ZFPM2: variants seen among roughly 807,000 people sequenced by gnomAD.
The protein encoded by ZFPM2 is zinc finger protein ZFPM2.
ZFPM2 carries 20 observed loss-of-function variants against 98.6 expected under a neutral mutation model. The observed-to-expected ratio is 0.20, with a 90% CI of 0.14 to 0.29. The LOEUF is 0.29. ZFPM2 is among the 10% of genes least tolerant of loss of function. ZFPM2 has a pLI of 1.00. For missense variants in ZFPM2, 1,310 were observed against 1,388.6 expected, an observed-to-expected ratio of 0.94 and a Z score of 0.90; for synonymous variants, 518 against 502.7, an observed-to-expected ratio of 1.03 and a Z score of -0.41.
chr8:105,344,858 A>G (rs1357629080), intron 1 of ZFPM2, among the ~76,000 whole-genome samples: 2 of 152,208 alleles, frequency 1.3e-5, no homozygotes, highest in South Asian at 2.1e-4. Flanking sequence ...AGAAATCATT[A>G]AAACTAATAT....
intron 3 of ZFPM2, among the ~76,000 whole-genome samples, chr8:105,491,885 G>C (rs905354835): frequency 2.2e-4 from 33 of 152,054 alleles, no homozygotes; most frequent in African/African-American, 8.0e-4. Context: ...ATTATGATGT[G>C]TAGTATTTAA....
chr8:105,546,855 A>G (rs1223590237), intron 3 of ZFPM2, among the ~76,000 whole-genome samples: 1 of 152,176 alleles, frequency 6.6e-6, no homozygotes, highest in Non-Finnish European at 1.5e-5. Context: ...CCCACTTTTA[A>G]TGATTTATGA....
At chr8:105,342,709 A>C (rs1166604987) in intron 1 of ZFPM2, among the ~76,000 whole-genome samples, 1 of 152,088 alleles carries the variant, frequency 6.6e-6, no homozygotes, top group Non-Finnish European at 1.5e-5. Context: ...TAAGAAAAAA[A>C]GAAAAGAAAA....
At chr8:105,439,564 G>A (rs748488165) in intron 2 of ZFPM2, among the ~76,000 whole-genome samples, 1 of 152,156 alleles carries the variant, frequency 6.6e-6, no homozygotes, top group Non-Finnish European at 1.5e-5. Flanking sequence ...GCTGGAACAT[G>A]ATATTTGAGG....
chr8:105,417,981 G>T (rs1166227005), intron 1 of ZFPM2, among the ~76,000 whole-genome samples: 1 of 151,978 alleles, frequency 6.6e-6, no homozygotes, highest in African/African-American at 2.4e-5. Flanking sequence ...TCTATGCCAA[G>T]GTGTCATATG....
intron 3 of ZFPM2, among the ~76,000 whole-genome samples, chr8:105,489,559 G>A (rs1586410475): frequency 6.7e-6 from 1 of 149,468 alleles, no homozygotes; most frequent in South Asian, 2.1e-4. Flanking sequence ...TGCCTCATGG[G>A]TTCATGGAAC....
At chr8:105,562,422 T>G (rs1815159625) in intron 4 of ZFPM2, among the ~76,000 whole-genome samples, 1 of 152,150 alleles carries the variant, frequency 6.6e-6, no homozygotes, top group Non-Finnish European at 1.5e-5. Flanking sequence ...AGTTTGCTAT[T>G]CCTGCCTCAG....
chr8:105,449,768 C>G (rs1018348971), intron 3 of ZFPM2, among the ~76,000 whole-genome samples: 2 of 151,960 alleles, frequency 1.3e-5, no homozygotes, highest in African/African-American at 4.8e-5. Context: ...TAATAACTAC[C>G]TCATTAATGA....
intron 1 of ZFPM2, among the ~76,000 whole-genome samples, chr8:105,347,045 T>C (rs1303235367): frequency 1.3e-5 from 2 of 152,158 alleles, no homozygotes; most frequent in Non-Finnish European, 2.9e-5. Flanking sequence ...GAAGGATCCA[T>C]GCAGATTAAA....
At chr8:105,526,040 C>G (rs1814167583) in intron 3 of ZFPM2, among the ~76,000 whole-genome samples, 2 of 152,116 alleles carry the variant, frequency 1.3e-5, no homozygotes, top group Non-Finnish European at 2.9e-5. Context: ...CTTTATAGCT[C>G]TCAAATATTT....
intron 5 of ZFPM2, among the ~76,000 whole-genome samples, chr8:105,658,379 G>C (rs1341943141): frequency 9.2e-6 from 1 of 108,752 alleles, no homozygotes; most frequent in Non-Finnish European, 1.9e-5. Flanking sequence ...ACGAGGTCAG[G>C]AGATCGAGAC....
chr8:105,572,546 C>A (rs777511206), intron 4 of ZFPM2, among the ~76,000 whole-genome samples: 1 of 152,042 alleles, frequency 6.6e-6, no homozygotes, highest in Non-Finnish European at 1.5e-5. Context: ...CAGTTCACCA[C>A]AACCTCCGCC....
At chr8:105,752,055 TCA>T (rs1321379998) in intron 5 of ZFPM2, among the ~76,000 whole-genome samples, 5 of 152,264 alleles carry the variant, frequency 3.3e-5, no homozygotes, top group Middle Eastern at 3.4e-3. Flanking sequence ...TAATTCTCAG[TCA>T]CAGTTTTTAC....
chr8:105,452,144 T>A (rs755324992), intron 3 of ZFPM2, among the ~76,000 whole-genome samples: 5 of 152,212 alleles, frequency 3.3e-5, no homozygotes, highest in Admixed American at 3.3e-4. Flanking sequence ...ATGCTGTTTA[T>A]ACAAGTGAAA....
intron 1 of ZFPM2, among the ~76,000 whole-genome samples, chr8:105,321,165 C>T (rs1295959595): frequency 6.6e-6 from 1 of 152,116 alleles, no homozygotes; most frequent in Non-Finnish European, 1.5e-5. Context: ...GTTTGACCAG[C>T]TTTAAAGTCA....
At chr8:105,500,211 A>G (rs1296141644) in intron 3 of ZFPM2, among the ~76,000 whole-genome samples, 1 of 152,212 alleles carries the variant, frequency 6.6e-6, no homozygotes, top group East Asian at 1.9e-4. Context: ...TGAACCCAAT[A>G]CATAGCATAT....
intron 1 of ZFPM2, among the ~76,000 whole-genome samples, chr8:105,366,589 T>C (rs1011248943): frequency 6.6e-6 from 1 of 151,876 alleles, no homozygotes; most frequent in East Asian, 1.9e-4. Flanking sequence ...TACATATGTA[T>C]ACATGTGCCA....
intron 5 of ZFPM2, among the ~76,000 whole-genome samples, chr8:105,756,383 T>C (rs1171287631): frequency 6.6e-6 from 1 of 152,192 alleles, no homozygotes; most frequent in African/African-American, 2.4e-5. Context: ...ACGAAGCACT[T>C]GTCTGCTGGC....
chr8:105,500,103 T>A (rs1372466882), intron 3 of ZFPM2, among the ~76,000 whole-genome samples: 1 of 152,226 alleles, frequency 6.6e-6, no homozygotes, highest in Non-Finnish European at 1.5e-5. Context: ...TTTCATAAGC[T>A]GTTTTCTGTA....
Sources: gnomAD v4.1 joint callset for allele counts (sites outside exome capture counted in the v4.1 genomes callset) on GRCh38, gnomAD v4.1.1 for gene constraint, MANE v1.5 for transcripts, NCBI Gene and HGNC (gene_info 2026-07-23, HGNC 2026-07-21) for gene names.